SLC46A3: variants seen among roughly 807,000 people sequenced by gnomAD.
SLC46A3 encodes lysosomal proton-coupled steroid conjugate and bile acid symporter SLC46A3.
Under a neutral mutation model 38.5 loss-of-function variants are expected in SLC46A3, and 26 were observed. That is an observed-to-expected ratio of 0.68 (90% confidence interval 0.49 to 0.94). SLC46A3 has a LOEUF of 0.94. SLC46A3 is among the 40% of genes least tolerant of loss of function. SLC46A3 has a pLI of 0.00. For missense variants in SLC46A3, 510 were observed against 544.3 expected (o/e 0.94, Z 0.63); for synonymous variants, 185 against 192.5 (o/e 0.96, Z 0.32).
intron 2 of SLC46A3, among the ~76,000 whole-genome samples, chr13:28,717,298 C>G (rs779484204): frequency 2.0e-4 from 31 of 152,030 alleles, no homozygotes; most frequent in Non-Finnish European, 1.3e-4. Context: ...CCACCCCACC[C>G]TGTGACAGAC....
chr13:28,704,239 T>C (rs1221755608), intron 4 of SLC46A3, 140 bp from the exon 5 acceptor site: 2 of 768,494 alleles, frequency 2.6e-6, no homozygotes, highest in South Asian at 2.0e-5. Context: ...ATGAAAGTTA[T>C]TCCCTCAAAG....
chr13:28,700,486 G>A lies in SLC46A3; in HGVS notation c.*1011C>T. The A allele has an allele frequency of 6.4e-6, 1 of 155,212 alleles. No homozygotes were observed. The highest frequency in any genetic ancestry group is 1.4e-5 in the Non-Finnish European group (1 of 69,976). The allele number at this position is 155,212 out of a possible 1,614,324, so 9.6% of individuals were successfully genotyped here. A position where few individuals can be genotyped will look rare whatever the true frequency, so the allele number is the denominator to read the frequency against. On this transcript the variant is annotated 3_prime_UTR_variant, in exon 6 of 6. Transcript: ENST00000266943. The stretch of plus-strand genomic sequence containing the variant: ...TGCTTGTTTGATCATTTTCCTATGA[G>A]TGACCGTGTTGACGGATTCAAATTT...
At position 28,717,871 on chromosome 13, in the gene SLC46A3, G is replaced by C. The variant is rs746954721; in HGVS notation, c.128C>G (p.Ser43Cys). The C allele has an allele frequency of 6.2e-7, 1 of 1,613,992 alleles. No homozygotes were observed. Among genetic ancestry groups the C allele is most frequent in the Admixed American group, 1.7e-5 (1 of 59,992 alleles). The change falls in exon 2 of 6, where the codon TCT becomes TGT. Residue 43 changes from serine to cysteine, a missense_variant. Physicochemically the swap from Ser to Cys is moderately radical, Grantham distance 112. Transcript: ENST00000266943. ...WEETGNYTFS[S>C]DSNISECEKN... ...TTCACACTCAGAAATATTGCTATCA[G>C]ATGAAAAAGTGTAGTTGCCAGTTTC...
chr13:28,709,520 A>G (rs142318758), intron 4 of SLC46A3, among the ~76,000 whole-genome samples: 1 of 152,346 alleles, frequency 6.6e-6, no homozygotes, highest in Non-Finnish European at 1.5e-5. Context: ...AATAAGATTC[A>G]TATGATACAA....
intron 2 of SLC46A3, among the ~76,000 whole-genome samples, chr13:28,715,416 C>T (rs1271772953): frequency 6.6e-6 from 1 of 152,202 alleles, no homozygotes; most frequent in Non-Finnish European, 1.5e-5. Context: ...TGGACCAAGG[C>T]CCGTCTTCCC....
chr13:28,712,294 T>C (rs1406936643), intron 3 of SLC46A3, among the ~76,000 whole-genome samples: 1 of 152,186 alleles, frequency 6.6e-6, no homozygotes, highest in Non-Finnish European at 1.5e-5. Context: ...ATTGATATAG[T>C]TTTTTTCTTA....
At chr13:28,712,535 CT>C in intron 3 of SLC46A3, 144 bp downstream of exon 3, 1 of 752,090 alleles carries the variant, frequency 1.3e-6, no homozygotes, top group Non-Finnish European at 1.8e-6. Flanking sequence ...TTATTGACTC[CT>C]GGCAAACTAG....
Position 28,713,305 on chromosome 13 carries a change from G to A in SLC46A3, c.435C>T (p.Thr145=). ...TFIGAFCGNY[T]TFWGACFAYI... ...AGGCAAAGCAAGCTCCCCAAAATGTGGTATAATTGCCACAAAATGCACCAA... is the reference window on the plus strand; with the variant it reads ...AGGCAAAGCAAGCTCCCCAAAATGTAGTATAATTGCCACAAAATGCACCAA... The change falls in exon 3 of 6, where the codon ACC becomes ACT. Residue 145 remains threonine (T), a synonymous_variant. Transcript: ENST00000266943. 2 of 1,613,840 alleles carry A rather than the reference G, an allele frequency of 1.2e-6. No homozygotes were observed. Among genetic ancestry groups the A allele is most frequent in the South Asian group, 1.1e-5 (1 of 91,070 alleles).
Position 28,713,349 on chromosome 13 carries a change from A to G in SLC46A3, c.391T>C (p.Leu131=). The G allele has an allele frequency of 6.2e-7, 1 of 1,614,080 alleles. No homozygotes were observed. The highest frequency in any genetic ancestry group is 8.5e-7 in the Non-Finnish European group (1 of 1,180,036). The part of the protein sequence containing the change: ...LCYFAFPFQL[L]IASTFIGAFC... ...GCACCAATGAAGGTAGATGCAATCA[A>G]AAGCTGGAATGGAAAGGCAAAATAG... is the stretch of plus-strand genomic sequence containing the variant. Residue 131 remains leucine (L), a synonymous_variant, in exon 3 of 6, where the codon TTG becomes CTG. Coordinates refer to ENST00000266943, the MANE Select transcript of SLC46A3 (RefSeq NM_181785.4).
chr13:28,711,468 C>G (rs1329073287), intron 3 of SLC46A3, among the ~76,000 whole-genome samples: 2 of 151,244 alleles, frequency 1.3e-5, no homozygotes, highest in Non-Finnish European at 2.9e-5. Context: ...GCTTATTTTC[C>G]TAATTATATA....
Position 28,704,096 on chromosome 13 carries a change from G to A in SLC46A3, c.1148C>T (p.Thr383Ile), listed in dbSNP as rs567759196. Residue 383 changes from threonine to isoleucine, a missense_variant, in exon 5 of 6, where the codon ACC becomes ATC. Transcript: ENST00000266943. ...SKVVRSTEQG[T>I]LFACIAFLET... ...TAAGAAAGCAATACAAGCAAACAGG[G>A]TACCTGTTTGGAGTAGGGATAGAGA... 2.4e-5 allele frequency: 39 copies of A among 1,609,762 alleles called. No individual in the cohort carries two copies. In the South Asian group the frequency reaches 3.5e-4, roughly 15 times the overall value.
Position 28,708,695 on chromosome 13 carries a change from G to C in SLC46A3, c.1144+2065C>G, listed in dbSNP as rs556999356. On this transcript the variant is annotated intron_variant, in intron 4 of 5. Transcript: ENST00000266943. ...AGGCTGGTCTCAAACTCCTAACCTC[G>C]GGTCATCCACCCGCTTTGGCCTCCC... Among the ~76,000 whole-genome samples, 3 of 147,666 alleles carry C rather than the reference G, an allele frequency of 2.0e-5. No homozygotes were observed. The Admixed American group carries it at 2.1e-4, about 10-fold the overall frequency.
intron 4 of SLC46A3, among the ~76,000 whole-genome samples, chr13:28,706,602 G>C (rs921135755): frequency 6.6e-6 from 1 of 152,086 alleles, no homozygotes; most frequent in Admixed American, 6.6e-5. Context: ...CGTAGAGATA[G>C]AGCCTCCCTC....
At chr13:28,710,718 T>C (rs758075329) in intron 4 of SLC46A3, 42 bp downstream of exon 4, 26 of 1,432,122 alleles carry the variant, frequency 1.8e-5, no homozygotes, top group Non-Finnish European at 2.5e-5. Flanking sequence ...TTTGAGTTTG[T>C]AAAGATGGTA....
At chr13:28,711,631 A>G (rs1885346596) in intron 3 of SLC46A3, among the ~76,000 whole-genome samples, 2 of 152,208 alleles carry the variant, frequency 1.3e-5, no homozygotes. Context: ...TCTTTGTGGC[A>G]GAATAACTTC....
intron 2 of SLC46A3, among the ~76,000 whole-genome samples, chr13:28,716,625 G>A (rs914656077): frequency 2.0e-5 from 3 of 151,792 alleles, no homozygotes; most frequent in African/African-American, 7.3e-5. Flanking sequence ...CTTACTCTAC[G>A]CCAGAACCTT....
At chr13:28,712,338 TA>T (rs1885366125) in intron 3 of SLC46A3, among the ~76,000 whole-genome samples, 1 of 152,220 alleles carries the variant, frequency 6.6e-6, no homozygotes, top group African/African-American at 2.4e-5. Flanking sequence ...ATCATTGTCC[TA>T]AATATTTTTA....
At chr13:28,708,979 T>C (rs951565971) in intron 4 of SLC46A3, among the ~76,000 whole-genome samples, 4 of 152,182 alleles carry the variant, frequency 2.6e-5, no homozygotes, top group African/African-American at 9.7e-5. Context: ...GCAATCATCA[T>C]CACATCATCT....
intron 4 of SLC46A3, 63 bp downstream of exon 4, chr13:28,710,697 T>C (rs1011725118): frequency 1.6e-6 from 2 of 1,225,828 alleles, no homozygotes; most frequent in African/African-American, 1.5e-5. Context: ...TAAACATTGA[T>C]TGTACACAGA....
Sources: allele counts gnomAD v4.1 joint callset (sites outside exome capture counted in the v4.1 genomes callset), GRCh38; gene constraint gnomAD v4.1.1; transcripts MANE v1.5; gene names NCBI Gene and HGNC (gene_info 2026-07-23, HGNC 2026-07-21).